The following ZNF385D variants were observed in gnomAD, a reference collection of about 807,000 sequenced individuals.
The protein encoded by ZNF385D is zinc finger protein 659.
Under a neutral mutation model 35.8 loss-of-function variants are expected in ZNF385D, and 15 were observed. The ratio of observed to expected loss-of-function variants is 0.42; its 90% CI spans 0.28 to 0.64. ZNF385D has a LOEUF of 0.64. Ranked by LOEUF, ZNF385D falls within the 30% of genes least tolerant of loss-of-function variation. The pLI is 0.23. For synonymous variants in ZNF385D, 212 were observed against 186.8 expected (o/e 1.13, Z -1.10); for missense variants, 474 against 494.6 (o/e 0.96, Z 0.39).
Position 22,207,288 on chromosome 3 carries a change from C to A in ZNF385D, c.107-38253G>T, listed in dbSNP as rs563694491. The stretch of plus-strand genomic sequence containing the variant: ...ACAGATTTGCCAAAACAATTCCATA[C>A]ATCTATAGTGAACCATTTTCAACAA... On this transcript the variant is annotated intron_variant, in intron 2 of 5. Transcript: ENST00000494108. 1.5e-4 allele frequency among the ~76,000 whole-genome samples: 23 copies of A among 151,990 alleles called. No individual in the cohort carries two copies. The South Asian group carries it at 4.6e-3, about 30-fold the overall frequency.
At chr3:22,163,728 CTA>C (rs1321447434) in intron 3 of ZNF385D, among the ~76,000 whole-genome samples, 1 of 152,126 alleles carries the variant, frequency 6.6e-6, no homozygotes, top group Non-Finnish European at 1.5e-5. Context: ...GTAAAAATCT[CTA>C]TTGTTATTTC....
rs1050484975 is a variant in ZNF385D at position 22,240,093 on chromosome 3, G to T, written c.107-71058C>A. 1.4e-5 allele frequency among the ~76,000 whole-genome samples: 2 copies of T among 147,722 alleles called. 1 individual carries two copies. The highest frequency in any genetic ancestry group is 4.6e-4 in the South Asian group (2 of 4,358). The stretch of plus-strand genomic sequence containing the variant: ...AGCTACTCAGGAGGCTGACGTGGGA[G>T]GATCACCTGAGCCCAGGAGGTCAAG... On this transcript the variant is annotated intron_variant, in intron 2 of 5. Coordinates refer to the ZNF385D transcript ENST00000494108.
At position 22,091,837 on chromosome 3, in the gene ZNF385D, A is replaced by C. The variant is rs931458479; in HGVS notation, c.325+76980T>G. Reference sequence around the variant, plus strand: ...TGTATGTCTCCTTCTTCCTGTTTTTATTTTATATACAAGTGGTAGGTGGTT... The same window carrying C: ...TGTATGTCTCCTTCTTCCTGTTTTTCTTTTATATACAAGTGGTAGGTGGTT... On this transcript the variant is annotated intron_variant, in intron 3 of 5. Coordinates refer to the ZNF385D transcript ENST00000494108. Among the ~76,000 whole-genome samples, 13 of 152,130 alleles carry C rather than the reference A, an allele frequency of 8.5e-5. 1 individual carries two copies. Among genetic ancestry groups the C allele is most frequent in the Admixed American group, 5.2e-4 (8 of 15,270 alleles).
At chr3:21,687,395 A>AT (rs932086850) in intron 1 of ZNF385D, among the ~76,000 whole-genome samples, 3 of 152,034 alleles carry the variant, frequency 2.0e-5, no homozygotes, top group Non-Finnish European at 2.9e-5. Context: ...ATAACTCATA[A>AT]TTTTTTTTAT....
intron 3 of ZNF385D, among the ~76,000 whole-genome samples, chr3:22,099,811 C>T (rs956900076): frequency 6.6e-6 from 1 of 151,922 alleles, no homozygotes; most frequent in Non-Finnish European, 1.5e-5. Flanking sequence ...TTCACACTAG[C>T]AGGGAGTGGG....
intron 4 of ZNF385D, among the ~76,000 whole-genome samples, chr3:21,468,171 G>A (rs1321684300): frequency 1.3e-5 from 2 of 152,046 alleles, no homozygotes; most frequent in Admixed American, 1.3e-4. Context: ...CTGGGAGGCT[G>A]AGGCGGGCGG....
Position 21,708,475 on chromosome 3 carries a change from T to G in ZNF385D, c.22+42420A>C, listed in dbSNP as rs548482978. On this transcript the variant is annotated intron_variant, in intron 1 of 7. Transcript: ENST00000281523. ...GCTCTGAACTGTTATTCCCTCCTCCTATAATTTATGATTCCTGAATGTTCC... is the reference window on the plus strand; with the variant it reads ...GCTCTGAACTGTTATTCCCTCCTCCGATAATTTATGATTCCTGAATGTTCC... Among the ~76,000 whole-genome samples, 18 of 152,338 alleles carry G rather than the reference T, an allele frequency of 1.2e-4. No individual in the cohort carries two copies. In the East Asian group the frequency reaches 3.3e-3, roughly 28 times the overall value.
At chr3:21,689,202 A>T (rs1435832050) in intron 1 of ZNF385D, among the ~76,000 whole-genome samples, 2 of 152,036 alleles carry the variant, frequency 1.3e-5, no homozygotes, top group Admixed American at 6.6e-5. Context: ...AGTTAAGCCA[A>T]GCTGCCTATG....
At chr3:21,933,889 A>G (rs1249225288) in intron 3 of ZNF385D, among the ~76,000 whole-genome samples, 1 of 152,122 alleles carries the variant, frequency 6.6e-6, no homozygotes, top group Non-Finnish European at 1.5e-5. Flanking sequence ...CACTTAAATC[A>G]TAAGACTGCC....
At chr3:22,195,404 T>C (rs1559444436) in intron 2 of ZNF385D, among the ~76,000 whole-genome samples, 1 of 151,984 alleles carries the variant, frequency 6.6e-6, no homozygotes, top group Non-Finnish European at 1.5e-5. Context: ...TTTCTAGATA[T>C]AAGTCTTTTA....
Position 21,714,926 on chromosome 3 carries a change from T to TTAGTAA in ZNF385D, c.22+35968_22+35969insTTACTA, listed in dbSNP as rs2068253652. ...ATGTAACAGATGAACGTATACATCA[T>TTAGTAA]CTCACATAGTTACCCTCTGCCCGAT... On this transcript the variant is annotated intron_variant, in intron 1 of 7. Coordinates refer to ENST00000281523, the MANE Select transcript of ZNF385D (RefSeq NM_024697.3). 1.2e-4 allele frequency among the ~76,000 whole-genome samples: 18 copies of TTAGTAA among 152,318 alleles called. No individual in the cohort carries two copies. The South Asian group carries it at 3.1e-3, about 26-fold the overall frequency.
chr3:21,474,254 G>A (rs1323731953), intron 4 of ZNF385D, among the ~76,000 whole-genome samples: 1 of 152,038 alleles, frequency 6.6e-6, no homozygotes, highest in Non-Finnish European at 1.5e-5. Context: ...ACAGTGGCAG[G>A]AGAAGTTTCC....
chr3:21,662,823 T>TGTC (rs1261142138), intron 2 of ZNF385D, among the ~76,000 whole-genome samples: 3 of 152,198 alleles, frequency 2.0e-5, no homozygotes, highest in African/African-American at 7.2e-5. Flanking sequence ...GACAAGGAAC[T>TGTC]GTCACATTTT....
At chr3:21,589,756 ATATT>A (rs1217064242) in intron 2 of ZNF385D, among the ~76,000 whole-genome samples, 1 of 152,190 alleles carries the variant, frequency 6.6e-6, no homozygotes, top group Non-Finnish European at 1.5e-5. Flanking sequence ...AGTATCTAGG[ATATT>A]TAGTGAAAAA....
chr3:22,133,498 A>C (rs1703926109), intron 3 of ZNF385D: 1 of 152,140 alleles, frequency 6.6e-6, no homozygotes, highest in South Asian at 2.1e-4. Flanking sequence ...ATACAGCATT[A>C]TAATCACATT....
At chr3:22,325,834 T>C (rs1433116882) in intron 2 of ZNF385D, among the ~76,000 whole-genome samples, 1 of 151,706 alleles carries the variant, frequency 6.6e-6, no homozygotes, top group Non-Finnish European at 1.5e-5. Flanking sequence ...AGAATCACAT[T>C]TTTTTTTCTC....
intron 3 of ZNF385D, among the ~76,000 whole-genome samples, chr3:21,553,272 T>C (rs1260652441): frequency 1.3e-5 from 2 of 152,176 alleles, no homozygotes; most frequent in East Asian, 3.8e-4. Context: ...TGCAATTTGG[T>C]TCCAGATGAC....
intron 1 of ZNF385D, among the ~76,000 whole-genome samples, chr3:21,734,809 T>C (rs956964694): frequency 6.6e-6 from 1 of 152,150 alleles, no homozygotes; most frequent in Non-Finnish European, 1.5e-5. Context: ...TCTGTAGCTA[T>C]ACCATGGGAC....
chr3:21,863,293 T>C (rs1002906857), intron 3 of ZNF385D, among the ~76,000 whole-genome samples: 10 of 152,294 alleles, frequency 6.6e-5, no homozygotes, highest in African/African-American at 1.9e-4. Context: ...AAATTAGATA[T>C]CCAAAATTGT....
Sources: allele counts gnomAD v4.1 joint callset (sites outside exome capture counted in the v4.1 genomes callset), GRCh38; gene constraint gnomAD v4.1.1; transcripts MANE v1.5; gene names NCBI Gene and HGNC (gene_info 2026-07-23, HGNC 2026-07-21).